Variants in GRM8 observed in about 807,000 individuals in gnomAD.
GRM8 encodes the protein glutamate metabotropic receptor 8.
GRM8 carries 47 observed loss-of-function variants against 87.2 expected under a neutral mutation model. The ratio of observed to expected loss-of-function variants is 0.54; its 90% confidence interval spans 0.43 to 0.69. GRM8 has a LOEUF of 0.69. Among genes scored for constraint, GRM8 ranks in the 30% least tolerant of loss-of-function variants. The pLI, the probability that GRM8 is intolerant of heterozygous loss-of-function variation, is 0.00. For missense variants in GRM8, 1,019 were observed against 1,139.2 expected, an observed-to-expected ratio of 0.89 and a Z score of 1.52; for synonymous variants, 396 against 404.5, an observed-to-expected ratio of 0.98 and a Z score of 0.25.
At chr7:127,037,832 C>CGTGTGTGTGT (rs367605693) in intron 3 of GRM8, among the ~76,000 whole-genome samples, 9 of 147,324 alleles carry the variant, frequency 6.1e-5, no homozygotes, top group Middle Eastern at 3.2e-3. Flanking sequence ...CATGCGCATC[C>CGTGTGTGTGT]GTGTGTGTGT....
chr7:126,961,341 T>C (rs773917735), intron 3 of GRM8, among the ~76,000 whole-genome samples: 1 of 152,238 alleles, frequency 6.6e-6, no homozygotes, highest in Non-Finnish European at 1.5e-5. Flanking sequence ...TTTAAAGGGC[T>C]TGTCTTTTGG....
chr7:127,197,515 G>A (rs1450394070), intron 2 of GRM8, among the ~76,000 whole-genome samples: 5 of 151,628 alleles, frequency 3.3e-5, no homozygotes, highest in Non-Finnish European at 5.9e-5. Context: ...TCATTGATTC[G>A]TATGTATATT....
chr7:126,567,833 T>C (rs955977082), intron 8 of GRM8, among the ~76,000 whole-genome samples: 1 of 152,114 alleles, frequency 6.6e-6, no homozygotes, highest in Non-Finnish European at 1.5e-5. Flanking sequence ...CCATCATCCT[T>C]GCCCATGAGT....
chr7:127,052,175 T>C (rs1167500913), intron 3 of GRM8, among the ~76,000 whole-genome samples: 1 of 152,184 alleles, frequency 6.6e-6, no homozygotes, highest in African/African-American at 2.4e-5. Context: ...AGCTCTTTGG[T>C]GTTGGGCAGA....
intron 6 of GRM8, among the ~76,000 whole-genome samples, chr7:126,867,596 AT>A (rs1318973621): frequency 6.6e-6 from 1 of 152,232 alleles, no homozygotes; most frequent in East Asian, 1.9e-4. Flanking sequence ...TATCAAAAAA[AT>A]GAGACATTAA....
Position 127,050,733 on chromosome 7 carries a change from C to T in GRM8, c.727+55763G>A, listed in dbSNP as rs1032038081. Among the ~76,000 whole-genome samples the T allele has an allele frequency of 3.9e-5, 6 of 152,078 alleles. 1 individual carries two copies. In the South Asian group the frequency reaches 1.0e-3, roughly 26 times the overall value. ...TAACTCTGCAACTTTTGCAGAGAGC[C>T]GATGACGTTCTAATTGTAACATTTC... On this transcript the variant is annotated intron_variant, in intron 3 of 10. Coordinates refer to ENST00000339582, the MANE Select transcript of GRM8 (RefSeq NM_000845.3).
chr7:126,589,882 C>A (rs1796516855), intron 8 of GRM8, among the ~76,000 whole-genome samples: 1 of 152,060 alleles, frequency 6.6e-6, no homozygotes, highest in African/African-American at 2.4e-5. Flanking sequence ...TGAACAGAAG[C>A]CCTTGAGCCC....
At chr7:126,669,897 G>A (rs1051042840) in intron 7 of GRM8, among the ~76,000 whole-genome samples, 4 of 152,192 alleles carry the variant, frequency 2.6e-5, no homozygotes, top group Admixed American at 2.6e-4. Flanking sequence ...AAAGCCGAAG[G>A]TTCAAACAAG....
chr7:127,090,662 G>T (rs1421512023), intron 3 of GRM8, among the ~76,000 whole-genome samples: 1 of 152,024 alleles, frequency 6.6e-6, no homozygotes, highest in African/African-American at 2.4e-5. Context: ...ACTGAAACCT[G>T]TCCCTAATTC....
intron 8 of GRM8, among the ~76,000 whole-genome samples, chr7:126,573,452 T>C (rs79690843): frequency 0.015 from 2,318 of 152,202 alleles, 43 homozygotes; most frequent in African/African-American, 0.041. Flanking sequence ...AAGTATACTT[T>C]TCTGGGGCCA....
chr7:126,977,707 A>C (rs1811149166), intron 3 of GRM8, among the ~76,000 whole-genome samples: 1 of 152,226 alleles, frequency 6.6e-6, no homozygotes, highest in Admixed American at 6.5e-5. Flanking sequence ...GTGCATCAGC[A>C]TCAACCTAGT....
At chr7:126,958,510 G>A (rs1191595174) in intron 3 of GRM8, among the ~76,000 whole-genome samples, 1 of 152,178 alleles carries the variant, frequency 6.6e-6, no homozygotes. Context: ...GCCCCACTGC[G>A]GCAGCCAGCG....
At chr7:126,522,359 G>A (rs986926541) in intron 9 of GRM8, among the ~76,000 whole-genome samples, 1 of 152,126 alleles carries the variant, frequency 6.6e-6, no homozygotes, top group Non-Finnish European at 1.5e-5. Context: ...TCCACTGGCA[G>A]AGAAATTTCC....
At chr7:126,549,315 A>G (rs909539320) in intron 8 of GRM8, among the ~76,000 whole-genome samples, 2 of 152,180 alleles carry the variant, frequency 1.3e-5, no homozygotes, top group Non-Finnish European at 2.9e-5. Flanking sequence ...GTCAAAATCA[A>G]TGGAAAGAAC....
Position 126,652,033 on chromosome 7 carries a change from G to A in GRM8, c.1358-42535C>T, listed in dbSNP as rs187134176. Among the ~76,000 whole-genome samples the A allele has an allele frequency of 2.8e-4, 43 of 152,330 alleles. 2 individuals carry two copies. The East Asian group carries it at 6.4e-3, about 23-fold the overall frequency. ...TCATCAATACCAGCTACGACCATGT[G>A]ACCAGTTGCAGAAACGAGGACTGTA... On this transcript the variant is annotated intron_variant, in intron 7 of 10. Coordinates refer to ENST00000339582, the MANE Select transcript of GRM8 (RefSeq NM_000845.3).
At chr7:126,748,295 A>G (rs1205002074) in intron 7 of GRM8, among the ~76,000 whole-genome samples, 3 of 152,140 alleles carry the variant, frequency 2.0e-5, no homozygotes, top group African/African-American at 4.8e-5. Context: ...AAAAAATATG[A>G]GTTAATAAAG....
At chr7:126,737,886 T>A (rs759156487) in intron 7 of GRM8, among the ~76,000 whole-genome samples, 1 of 152,074 alleles carries the variant, frequency 6.6e-6, no homozygotes, top group African/African-American at 2.4e-5. Flanking sequence ...AAGGAGCATG[T>A]AGGTGGAACA....
At chr7:127,070,051 A>G (rs1160278357) in intron 3 of GRM8, among the ~76,000 whole-genome samples, 1 of 152,238 alleles carries the variant, frequency 6.6e-6, no homozygotes, top group African/African-American at 2.4e-5. Context: ...TACCAATCTC[A>G]GTAACAGGAT....
At chr7:126,803,874 T>C (rs1406810626) in intron 6 of GRM8, among the ~76,000 whole-genome samples, 1 of 152,236 alleles carries the variant, frequency 6.6e-6, no homozygotes, top group African/African-American at 2.4e-5. Flanking sequence ...TGAGAGATCA[T>C]GTGTTTAAAG....
Sources: allele counts gnomAD v4.1 joint callset (sites outside exome capture counted in the v4.1 genomes callset), GRCh38; gene constraint gnomAD v4.1.1; transcripts MANE v1.5; gene names NCBI Gene and HGNC (gene_info 2026-07-23, HGNC 2026-07-21).